Variants in CRISPLD2 observed in about 807,000 individuals in gnomAD.
The protein encoded by CRISPLD2 is cysteine-rich secretory protein LCCL domain-containing 2.
In CRISPLD2, 47 loss-of-function variants were observed where a neutral mutation model predicts 71.1. The ratio of observed to expected loss-of-function variants is 0.66; its 90% CI spans 0.52 to 0.84. The LOEUF is 0.84. CRISPLD2 is among the 40% of genes least tolerant of loss of function. The pLI is 0.00. For synonymous variants in CRISPLD2, 317 were observed against 250.1 expected (o/e 1.27, Z -2.52); for missense variants, 830 against 651.1 (o/e 1.27, Z -2.99).
chr16:84,848,206 G>A (rs908019867), intron 3 of CRISPLD2, among the ~76,000 whole-genome samples: 4 of 152,222 alleles, frequency 2.6e-5, no homozygotes, highest in African/African-American at 9.7e-5. Flanking sequence ...AAGCGGATGA[G>A]TGGCCAGCAG....
intron 1 of CRISPLD2, among the ~76,000 whole-genome samples, chr16:84,820,501 G>C (rs1160333083): frequency 6.6e-6 from 1 of 152,186 alleles, no homozygotes; most frequent in South Asian, 2.1e-4. Context: ...GAAAGCTGAT[G>C]GCATGGATAT....
At chr16:84,861,291 C>T (rs946863595) in intron 6 of CRISPLD2, among the ~76,000 whole-genome samples, 11 of 152,042 alleles carry the variant, frequency 7.2e-5, no homozygotes, top group South Asian at 6.2e-4. Context: ...AATCTGTATT[C>T]GTCGGGGTTC....
At position 84,856,610 on chromosome 16, in the gene CRISPLD2, G is replaced by A. The variant is rs1021017712; in HGVS notation, c.709+1781G>A. Among the ~76,000 whole-genome samples the A allele has an allele frequency of 9.9e-5, 15 of 152,256 alleles. No homozygotes were observed. In the South Asian group the frequency reaches 1.0e-3, roughly 11 times the overall value. On this transcript the variant is annotated intron_variant, in intron 6 of 14. Transcript: ENST00000262424. ...CTTCCACCCCTTAATTCCTGAACTCGTGAATATTGGCTATGGGAGAAACAA... is the reference window on the plus strand; with the variant it reads ...CTTCCACCCCTTAATTCCTGAACTCATGAATATTGGCTATGGGAGAAACAA...
intron 1 of CRISPLD2, among the ~76,000 whole-genome samples, chr16:84,834,465 A>G (rs1389271044): frequency 1.3e-5 from 2 of 152,194 alleles, no homozygotes; most frequent in Non-Finnish European, 2.9e-5. Context: ...GCCCCTGTGA[A>G]CTGGGCCTCG....
chr16:84,860,869 C>T (rs1374017434), intron 6 of CRISPLD2, among the ~76,000 whole-genome samples: 1 of 152,194 alleles, frequency 6.6e-6, no homozygotes, highest in Non-Finnish European at 1.5e-5. Flanking sequence ...GGAGATAAGA[C>T]TCACTCATGA....
chr16:84,869,624 CAT>C (rs1439904259), intron 8 of CRISPLD2, among the ~76,000 whole-genome samples: 18 of 152,198 alleles, frequency 1.2e-4, no homozygotes, highest in Admixed American at 1.0e-3. Flanking sequence ...AGATGAGCCT[CAT>C]GTGTCAACAG....
chr16:84,851,625 G>A (rs138467545), intron 5 of CRISPLD2, among the ~76,000 whole-genome samples: 11 of 152,306 alleles, frequency 7.2e-5, no homozygotes, highest in East Asian at 5.8e-4. Context: ...GGCGTGGCGC[G>A]GCTCAGCAGC....
At chr16:84,894,884 C>T (rs1184043884) in intron 14 of CRISPLD2, among the ~76,000 whole-genome samples, 1 of 152,056 alleles carries the variant, frequency 6.6e-6, no homozygotes, top group Non-Finnish European at 1.5e-5. Flanking sequence ...CCGAGAATCT[C>T]AAGGGTCAGG....
intron 6 of CRISPLD2, among the ~76,000 whole-genome samples, chr16:84,866,238 G>GTTTTTTTTT (rs149109786): frequency 6.7e-6 from 1 of 148,302 alleles, no homozygotes; most frequent in Non-Finnish European, 1.5e-5. Flanking sequence ...TTTGTTTTTT[G>GTTTTTTTTT]GTTTTTTTTT....
intron 6 of CRISPLD2, among the ~76,000 whole-genome samples, chr16:84,863,507 G>T (rs1217930604): frequency 1.3e-5 from 2 of 152,212 alleles, no homozygotes; most frequent in Non-Finnish European, 2.9e-5. Flanking sequence ...CCCCACCTGT[G>T]TGGTGATAGA....
rs2071827308 is a variant in CRISPLD2 at position 84,908,755 on chromosome 16, C to G, written c.*2113C>G. On this transcript the variant is annotated 3_prime_UTR_variant, in exon 15 of 15. Coordinates refer to ENST00000262424, the MANE Select transcript of CRISPLD2 (RefSeq NM_031476.4). ...CCAAGGTAGAGTGCAGTGGCGTGAT[C>G]TCTGCTCATTGCAACTGCCGCCTCC... 1 of 139,568 alleles carries G rather than the reference C, an allele frequency of 7.2e-6. No homozygotes were observed. Among genetic ancestry groups the G allele is most frequent in the Non-Finnish European group, 1.5e-5 (1 of 66,110 alleles). 8.6% of individuals were successfully genotyped at this position (139,568 alleles called of 1,614,324 possible). A position where few individuals can be genotyped will look rare whatever the true frequency, so the allele number is the denominator to read the frequency against.
At chr16:84,879,503 C>T (rs947374111) in intron 12 of CRISPLD2, among the ~76,000 whole-genome samples, 2 of 152,228 alleles carry the variant, frequency 1.3e-5, no homozygotes, top group South Asian at 2.1e-4. Context: ...GCTGGGATTA[C>T]GGGCCTGCAC....
intron 1 of CRISPLD2, among the ~76,000 whole-genome samples, chr16:84,834,317 G>A (rs1226490073): frequency 6.6e-6 from 1 of 152,248 alleles, no homozygotes; most frequent in East Asian, 1.9e-4. Context: ...CCACTTGGAG[G>A]TCCATCCCAT....
rs74614598 is a variant in CRISPLD2 at position 84,826,203 on chromosome 16, C to T, written c.-75+6070C>T. Among the ~76,000 whole-genome samples the T allele has an allele frequency of 3.8e-3, 579 of 152,268 alleles. 2 individuals are homozygous for T. The highest frequency in any genetic ancestry group is 0.013 in the African/African-American group (554 of 41,556). On this transcript the variant is annotated intron_variant, in intron 1 of 14. Transcript: ENST00000262424. ...TGTGTGGACGGTTCTGGTTATAGGGCCTGGTGTGACCAGAAAGAAGTCACG... is the reference window on the plus strand; with the variant it reads ...TGTGTGGACGGTTCTGGTTATAGGGTCTGGTGTGACCAGAAAGAAGTCACG...
intron 6 of CRISPLD2, among the ~76,000 whole-genome samples, chr16:84,864,537 G>A (rs965704098): frequency 6.6e-6 from 1 of 152,356 alleles, no homozygotes; most frequent in African/African-American, 2.4e-5. Flanking sequence ...GGCAGCCTCT[G>A]CAAACCCGGT....
intron 13 of CRISPLD2, among the ~76,000 whole-genome samples, chr16:84,881,332 C>G (rs2071566901): frequency 6.6e-6 from 1 of 152,244 alleles, no homozygotes; most frequent in Non-Finnish European, 1.5e-5. Flanking sequence ...GATAGCCACT[C>G]TGGTTATACC....
intron 5 of CRISPLD2, among the ~76,000 whole-genome samples, chr16:84,852,048 C>G (rs930249718): frequency 6.6e-6 from 1 of 152,162 alleles, no homozygotes; most frequent in Admixed American, 6.6e-5. Flanking sequence ...TGTGGCAGAT[C>G]AAGGGGTGGC....
rs184833160 is a variant in CRISPLD2 at position 84,892,862 on chromosome 16, G to A, written c.1439+3499G>A. 2.0e-5 allele frequency among the ~76,000 whole-genome samples: 3 copies of A among 151,234 alleles called. No homozygotes were observed. In the Admixed American group the frequency reaches 2.0e-4, roughly 10 times the overall value. On this transcript the variant is annotated intron_variant, in intron 14 of 14. Coordinates refer to ENST00000262424, the MANE Select transcript of CRISPLD2 (RefSeq NM_031476.4). Reference sequence around the variant, plus strand: ...ATGGTGGTGCACGCCTGTAATGCCAGCTACTCGGGAGGCTGAGGCAGGAGA... The same window carrying A: ...ATGGTGGTGCACGCCTGTAATGCCAACTACTCGGGAGGCTGAGGCAGGAGA...
intron 13 of CRISPLD2, among the ~76,000 whole-genome samples, chr16:84,885,181 G>A (rs1000014450): frequency 4.6e-5 from 7 of 152,210 alleles, no homozygotes; most frequent in African/African-American, 1.4e-4. Context: ...AAGCACAAGT[G>A]TGAGAACGTA....
Sources: allele counts gnomAD v4.1 joint callset (sites outside exome capture counted in the v4.1 genomes callset), GRCh38; gene constraint gnomAD v4.1.1; transcripts MANE v1.5; gene names NCBI Gene and HGNC (gene_info 2026-07-23, HGNC 2026-07-21).